The following SIK3 variants were observed in gnomAD, a reference collection of about 807,000 sequenced individuals.
SIK3 encodes SIK family kinase 3.
In SIK3, 28 loss-of-function variants were observed where a neutral mutation model predicts 144.2. The ratio of observed to expected loss-of-function variants is 0.19; its 90% CI spans 0.14 to 0.27. The LOEUF is 0.27. SIK3 is among the 10% of genes least tolerant of loss of function. The pLI is 1.00. For synonymous variants in SIK3, 686 were observed against 676.3 expected, an observed-to-expected ratio of 1.01 and a Z score of -0.22; for missense variants, 1,319 against 1,776.0, an observed-to-expected ratio of 0.74 and a Z score of 4.62.
At chr11:116,893,670 C>CA (rs1353253650) in intron 6 of SIK3, among the ~76,000 whole-genome samples, 2 of 151,046 alleles carry the variant, frequency 1.3e-5, no homozygotes, top group Non-Finnish European at 2.9e-5. Context: ...GACCCAGTCC[C>CA]AAAAAAGGGA....
In SIK3 at chr11:116,873,352, G is replaced by C; in HGVS notation, c.1737+129C>G. 14 of 1,255,548 alleles carry C rather than the reference G, an allele frequency of 1.1e-5. No individual in the cohort carries two copies. The South Asian group carries it at 1.9e-4, about 17-fold the overall frequency. 77.8% of individuals were successfully genotyped at this position (1,255,548 alleles called of 1,614,324 possible). On this transcript the variant is annotated intron_variant, in intron 13 of 24. Transcript: ENST00000445177. ...CTACTGGCCTGAAGAAAATGGGCTG[G>C]AGCATCCTAAGTTTGGAGAAAAAGG... is the stretch of plus-strand genomic sequence containing the variant.
At chr11:117,012,066 T>C (rs1008783594) in intron 1 of SIK3, among the ~76,000 whole-genome samples, 2 of 148,460 alleles carry the variant, frequency 1.3e-5, no homozygotes, top group African/African-American at 4.9e-5. Context: ...GCAGCCTTCA[T>C]CTCCCAAGCT....
intron 1 of SIK3, among the ~76,000 whole-genome samples, chr11:117,024,534 AG>A (rs937787278): frequency 2.0e-5 from 3 of 152,194 alleles, no homozygotes; most frequent in Admixed American, 1.3e-4. Context: ...TAAAGTCATC[AG>A]GGATTCATCA....
At chr11:117,078,570 T>G (rs1390204875) in intron 1 of SIK3, among the ~76,000 whole-genome samples, 18 of 151,768 alleles carry the variant, frequency 1.2e-4, no homozygotes. Context: ...CCAGCTAATT[T>G]TTTTGTATTT....
intron 1 of SIK3, among the ~76,000 whole-genome samples, chr11:117,060,172 A>G (rs4938333): frequency 0.16 from 24,608 of 152,184 alleles, 2,106 homozygotes; most frequent in Admixed American, 0.21. Context: ...GCTAAAAACA[A>G]TGAGCTATCA....
chr11:116,953,475 C>T (rs1352542742), intron 3 of SIK3, among the ~76,000 whole-genome samples: 4 of 152,132 alleles, frequency 2.6e-5, no homozygotes, highest in Non-Finnish European at 5.9e-5. Context: ...TTGTCAGTAA[C>T]AAAGTCTCTT....
intron 6 of SIK3, among the ~76,000 whole-genome samples, chr11:116,881,154 A>C (rs1418703050): frequency 4.6e-5 from 7 of 152,006 alleles, no homozygotes; most frequent in Admixed American, 4.6e-4. Context: ...ATAAATAAAT[A>C]AATAAAAAAT....
At chr11:116,960,389 G>A (rs1043458903) in intron 1 of SIK3, among the ~76,000 whole-genome samples, 1 of 152,114 alleles carries the variant, frequency 6.6e-6, no homozygotes, top group African/African-American at 2.4e-5. Context: ...AGCCAGGTGT[G>A]GTAGTGTGTG....
At chr11:117,032,873 G>A (rs769986639) in intron 1 of SIK3, among the ~76,000 whole-genome samples, 8 of 151,720 alleles carry the variant, frequency 5.3e-5, no homozygotes, top group African/African-American at 7.3e-5. Flanking sequence ...ATTAATGTCC[G>A]TTTATCAGCA....
chr11:117,022,118 T>C (rs917978630), intron 1 of SIK3, among the ~76,000 whole-genome samples: 54 of 152,086 alleles, frequency 3.6e-4, no homozygotes, highest in Non-Finnish European at 1.2e-4. Context: ...TACCCATTGC[T>C]ACAGAAACAA....
chr11:116,882,534 G>A (rs1037463897), intron 6 of SIK3, among the ~76,000 whole-genome samples: 2 of 152,196 alleles, frequency 1.3e-5, no homozygotes, highest in Non-Finnish European at 2.9e-5. Context: ...ATCCTTTCCA[G>A]CTCTGTGGTG....
At chr11:116,878,151 A>T (rs1425695430) in intron 6 of SIK3, among the ~76,000 whole-genome samples, 2 of 152,042 alleles carry the variant, frequency 1.3e-5, no homozygotes, top group African/African-American at 2.4e-5. Flanking sequence ...CAACATCTTT[A>T]TCCAAGCCAC....
At chr11:116,895,560 C>T (rs1426693924) in intron 6 of SIK3, among the ~76,000 whole-genome samples, 2 of 152,146 alleles carry the variant, frequency 1.3e-5, no homozygotes, top group Admixed American at 6.5e-5. Context: ...AAAATGAAAA[C>T]AGATGATTAA....
intron 4 of SIK3, 38 bp from the exon 5 acceptor site, chr11:116,897,355 C>A (rs1945465612): frequency 6.3e-7 from 1 of 1,585,418 alleles, no homozygotes; most frequent in African/African-American, 1.4e-5. Context: ...ATTATTGTAA[C>A]CTTTTATTAT....
chr11:116,885,478 T>C (rs1007800387), intron 6 of SIK3, among the ~76,000 whole-genome samples: 1 of 152,182 alleles, frequency 6.6e-6, no homozygotes, highest in South Asian at 2.1e-4. Flanking sequence ...GATGCCAAGA[T>C]TTAGCTCTAG....
intron 1 of SIK3, among the ~76,000 whole-genome samples, chr11:117,039,320 G>A (rs879699469): frequency 6.6e-6 from 1 of 152,140 alleles, no homozygotes; most frequent in African/African-American, 2.4e-5. Flanking sequence ...GTGAGGTCTC[G>A]CTATGTTGCC....
At chr11:117,061,575 A>G (rs1953796786) in intron 1 of SIK3, among the ~76,000 whole-genome samples, 1 of 152,212 alleles carries the variant, frequency 6.6e-6, no homozygotes, top group African/African-American at 2.4e-5. Flanking sequence ...TAAGTACTCA[A>G]TAAATCTTAG....
At chr11:117,001,318 A>C (rs10892057) in intron 1 of SIK3, among the ~76,000 whole-genome samples, 23,070 of 152,088 alleles carry the variant, frequency 0.15, 2,491 homozygotes, top group African/African-American at 0.3. Flanking sequence ...CCAGCCTGAC[A>C]AATATGGTGA....
intron 3 of SIK3, among the ~76,000 whole-genome samples, chr11:116,945,380 C>CTTT (rs35915801): frequency 0.081 from 7,682 of 95,264 alleles, 420 homozygotes; most frequent in South Asian, 0.12. Flanking sequence ...TTCATGAATT[C>CTTT]TTTTTTTTTT....
Sources: gnomAD v4.1 joint callset for allele counts (sites outside exome capture counted in the v4.1 genomes callset) on GRCh38, gnomAD v4.1.1 for gene constraint, MANE v1.5 for transcripts, NCBI Gene and HGNC (gene_info 2026-07-23, HGNC 2026-07-21) for gene names.